RSPRY1: variants seen among roughly 807,000 people sequenced by gnomAD.
RSPRY1 encodes the protein RING finger and SPRY domain-containing protein 1.
Under a neutral mutation model 73.1 loss-of-function variants are expected in RSPRY1, and 23 were observed. The observed-to-expected ratio is 0.31, with a 90% CI of 0.23 to 0.45. The LOEUF is 0.45. RSPRY1 is among the 20% of genes least tolerant of loss of function. RSPRY1 has a pLI of 1.00. For missense variants in RSPRY1, 448 were observed against 698.7 expected (o/e 0.64, Z 4.05); for synonymous variants, 226 against 251.4 (o/e 0.90, Z 0.95).
intron 3 of RSPRY1, 146 bp from the exon 4 acceptor site, chr16:57,208,929 T>C (rs1328337508): frequency 1.9e-5 from 11 of 570,482 alleles, no homozygotes; most frequent in African/African-American, 1.1e-4. Context: ...TGACTAGCAA[T>C]TGATGATTAT....
chr16:57,209,976 A>G (rs548897584), intron 4 of RSPRY1, among the ~76,000 whole-genome samples: 1 of 151,296 alleles, frequency 6.6e-6, no homozygotes, highest in South Asian at 2.1e-4. Context: ...GTGCCCCGCC[A>G]CATTCTCTAT....
chr16:57,206,948 T>C lies in RSPRY1; in HGVS notation c.351-1110T>C, dbSNP rs577681066. Among the ~76,000 whole-genome samples, 12 of 152,380 alleles carry C rather than the reference T, an allele frequency of 7.9e-5. No homozygotes were observed. In the South Asian group the frequency reaches 2.3e-3, roughly 29 times the overall value. ...TTCTCAACATCGAAATCTGTGTTAC[T>C]GTATATAAATCTACAACTGCTTCTG... On this transcript the variant is annotated intron_variant, in intron 2 of 14. Coordinates refer to ENST00000394420, the MANE Select transcript of RSPRY1 (RefSeq NM_133368.3).
chr16:57,204,936 C>T lies in RSPRY1; in HGVS notation c.278C>T (p.Pro93Leu). The change falls in exon 2 of 15, where the codon CCA (proline) becomes CTA (leucine). Residue 93 changes from proline (P) to leucine (L), a missense_variant. Pro to Leu is a moderately conservative substitution (Grantham distance 98). Coordinates refer to ENST00000394420, the MANE Select transcript of RSPRY1 (RefSeq NM_133368.3). The stretch of plus-strand genomic sequence containing the variant: ...AGGAGGGGCCGAGGACCTCATGAGC[C>T]AAGGAGAAAGAAACAAAATGTGGAT... ...PPRRGRGPHE[P>L]RRKKQNVDGL... 1.9e-6 allele frequency: 3 copies of T among 1,614,100 alleles called. No individual in the cohort carries two copies. Among genetic ancestry groups the T allele is most frequent in the Non-Finnish European group, 2.5e-6 (3 of 1,180,012 alleles).
At chr16:57,200,981 C>T (rs1241510533) in intron 1 of RSPRY1, among the ~76,000 whole-genome samples, 4 of 141,230 alleles carry the variant, frequency 2.8e-5, no homozygotes, top group African/African-American at 1.0e-4. Flanking sequence ...CCACCTCCCT[C>T]CCGGACGGGC....
At position 57,227,888 on chromosome 16, in the gene RSPRY1, C is replaced by T. The variant is rs74701001; in HGVS notation, c.1273+435C>T. 8.8e-3 allele frequency among the ~76,000 whole-genome samples: 1,346 copies of T among 152,258 alleles called. 15 individuals are homozygous for T. Among genetic ancestry groups the T allele is most frequent in the Non-Finnish European group, 0.015 (1,008 of 68,014 alleles). ...AGGGTCATATGGTAGAGGATATAAC[C>T]TCTGGAAGGATTTGATTCCTAGCAT... On this transcript the variant is annotated intron_variant, in intron 11 of 14. Transcript: ENST00000394420.
At chr16:57,206,803 G>A (rs1266012982) in intron 2 of RSPRY1, among the ~76,000 whole-genome samples, 2 of 152,202 alleles carry the variant, frequency 1.3e-5, no homozygotes, top group Non-Finnish European at 2.9e-5. Flanking sequence ...GGACTCAAGC[G>A]ATTGTCGAGC....
In RSPRY1 at chr16:57,227,717, T is replaced by A. The variant is rs555581505; in HGVS notation, c.1273+264T>A. Among the ~76,000 whole-genome samples, 8 of 152,326 alleles carry A rather than the reference T, an allele frequency of 5.3e-5. No homozygotes were observed. The South Asian group carries it at 1.7e-3, about 32-fold the overall frequency. On this transcript the variant is annotated intron_variant, in intron 11 of 14. Transcript: ENST00000394420. The stretch of plus-strand genomic sequence containing the variant: ...TGATACTCAAGATTAGTATGAATTC[T>A]ATTTTCCTCTTTGGATCTGTTTTGA...
Position 57,195,264 on chromosome 16 carries a change from C to T in RSPRY1, c.-156+8813C>T, listed in dbSNP as rs975803625. On this transcript the variant is annotated intron_variant, in intron 1 of 14. Coordinates refer to ENST00000394420, the MANE Select transcript of RSPRY1 (RefSeq NM_133368.3). ...TGGTGGCTCACACCTGTAATCCCAG[C>T]ACTTTGGGAGGCCGAGGTGGGCAGA... Among the ~76,000 whole-genome samples, 8 of 152,276 alleles carry T rather than the reference C, an allele frequency of 5.3e-5. No individual in the cohort carries two copies. In the East Asian group the frequency reaches 1.5e-3, roughly 29 times the overall value.
Position 57,231,308 on chromosome 16 carries a change from C to A in RSPRY1, c.1518C>A (p.Ile506=). ...DYAFLTAEEK[I]ILPRHRRLAL... ...CCTTCCTAACAGCTGAAGAAAAAAT[C>A]ATTTTGCCAAGGTAAGGAATCTGCC... Residue 506 remains isoleucine (I), a synonymous_variant, in exon 13 of 15, where the codon ATC becomes ATA. Coordinates refer to ENST00000394420, the MANE Select transcript of RSPRY1 (RefSeq NM_133368.3). The A allele has an allele frequency of 6.2e-7, 1 of 1,612,166 alleles. No individual in the cohort carries two copies. Among genetic ancestry groups the A allele is most frequent in the South Asian group, 1.1e-5 (1 of 90,864 alleles).
In RSPRY1 at chr16:57,227,379, C is replaced by T; in HGVS notation, c.1199C>T (p.Ala400Val). 6.2e-7 allele frequency: 1 copy of T among 1,614,036 alleles called. No homozygotes were observed. Among genetic ancestry groups the T allele is most frequent in the South Asian group, 1.1e-5 (1 of 91,074 alleles). The change falls in exon 11 of 15, where the codon GCG (alanine) becomes GTG (valine). Residue 400 changes from alanine to valine, a missense_variant. By Grantham distance (64) the Ala-to-Val change is moderately conservative. Coordinates refer to ENST00000394420, the MANE Select transcript of RSPRY1 (RefSeq NM_133368.3). ...YGIGDDEYSC[A>V]YDGCRQLIWY... ...ATTGGGGATGATGAATACTCCTGTGCGTATGATGGCTGCCGGCAGCTGATT... is the reference window on the plus strand; with the variant it reads ...ATTGGGGATGATGAATACTCCTGTGTGTATGATGGCTGCCGGCAGCTGATT...
chr16:57,223,444 G>T (rs1205739310), intron 10 of RSPRY1, among the ~76,000 whole-genome samples: 1 of 152,166 alleles, frequency 6.6e-6, no homozygotes, highest in African/African-American at 2.4e-5. Context: ...AGGCTTAGGA[G>T]GAGCAACTCT....
At chr16:57,233,086 C>A (rs552451407) in intron 13 of RSPRY1, among the ~76,000 whole-genome samples, 1 of 152,172 alleles carries the variant, frequency 6.6e-6, no homozygotes, top group Admixed American at 6.5e-5. Context: ...TTCAGTGATA[C>A]TTTATATTCA....
At chr16:57,191,152 T>C (rs1182492103) in intron 1 of RSPRY1, among the ~76,000 whole-genome samples, 2 of 152,204 alleles carry the variant, frequency 1.3e-5, no homozygotes, top group Admixed American at 6.5e-5. Flanking sequence ...TGTTCAGTGT[T>C]AGTTTTTTCT....
chr16:57,208,393 TA>T (rs1209569393), intron 3 of RSPRY1, among the ~76,000 whole-genome samples: 3,533 of 106,562 alleles, frequency 0.033, 92 homozygotes, highest in Middle Eastern at 0.042. Flanking sequence ...TATATATATA[TA>T]TATATATTTT....
chr16:57,205,098 C>A, intron 2 of RSPRY1, 90 bp downstream of exon 2: 1 of 915,052 alleles, frequency 1.1e-6, no homozygotes, highest in Non-Finnish European at 1.7e-6. Context: ...TCCTTTAGGA[C>A]ATACTCGCCA....
At chr16:57,224,501 T>A (rs986684306) in intron 10 of RSPRY1, 4 of 152,250 alleles carry the variant, frequency 2.6e-5, no homozygotes, top group Non-Finnish European at 5.9e-5. Flanking sequence ...ATTGCTAAAA[T>A]ATGCATGACC....
At chr16:57,186,558 C>G (rs2074189423) in intron 1 of RSPRY1, 107 bp downstream of exon 1, 1 of 153,014 alleles carries the variant, frequency 6.5e-6, no homozygotes. Context: ...CCGCTCGAGC[C>G]TGGGGCGGGC....
intron 11 of RSPRY1, among the ~76,000 whole-genome samples, chr16:57,228,834 A>G (rs1183556946): frequency 1.3e-5 from 2 of 152,144 alleles, no homozygotes; most frequent in Non-Finnish European, 2.9e-5. Flanking sequence ...CTGGGACTAC[A>G]GGGACACACC....
intron 5 of RSPRY1, 63 bp downstream of exon 5, chr16:57,213,161 A>G: frequency 6.6e-7 from 1 of 1,505,992 alleles, no homozygotes; most frequent in South Asian, 1.2e-5. Context: ...GGAAATTTGT[A>G]CTGTATGTCT....
Sources: gnomAD v4.1 joint callset for allele counts (sites outside exome capture counted in the v4.1 genomes callset) on GRCh38, gnomAD v4.1.1 for gene constraint, MANE v1.5 for transcripts, NCBI Gene and HGNC (gene_info 2026-07-23, HGNC 2026-07-21) for gene names.